DOK7: variants seen among roughly 807,000 people sequenced by gnomAD.
DOK7 encodes docking protein 7.
In DOK7, 32 loss-of-function variants were observed where a neutral mutation model predicts 30.7. The ratio of observed to expected loss-of-function variants is 1.04; its 90% CI spans 0.79 to 1.40. The LOEUF (loss-of-function observed/expected upper bound fraction) is 1.40, where lower values mean the gene tolerates loss of function less well. Among genes scored for constraint, DOK7 ranks in the 40% most tolerant of loss-of-function variants. DOK7 has a pLI of 0.00. For missense variants in DOK7, 1,007 were observed against 699.2 expected (o/e 1.44, Z -4.97); for synonymous variants, 447 against 324.1 (o/e 1.38, Z -4.07).
At chr4:3,500,876 TGGCCCCC>T in exon 8 of DOK7, 1 of 1,477,892 alleles carries the variant, frequency 6.8e-7, no homozygotes, top group Non-Finnish European at 9.0e-7. Context: ...TGCGGCCCCG[TGGCCCCC>T]GGCAGGCCAG....
At chr4:3,497,985 G>A (rs138345326), downstream of DOK7, among the ~76,000 whole-genome samples, 6 of 152,194 alleles carry the variant, frequency 3.9e-5, no homozygotes, top group Admixed American at 2.6e-4. Context: ...CAGGTGTGGG[G>A]ATCAAGGGGA....
At chr4:3,476,904 C>T (rs929461155) in intron 4 of DOK7, among the ~76,000 whole-genome samples, 5 of 152,236 alleles carry the variant, frequency 3.3e-5, no homozygotes, top group East Asian at 1.9e-4. Context: ...TGTGAGCTCC[C>T]GCATAAGCAC....
At chr4:3,497,234 G>A (rs1020186144), downstream of DOK7, among the ~76,000 whole-genome samples, 1 of 152,074 alleles carries the variant, frequency 6.6e-6, no homozygotes. Context: ...TCCTGGGAGG[G>A]GGCATGGCAG....
downstream of DOK7, among the ~76,000 whole-genome samples, chr4:3,496,429 C>T (rs886899189): frequency 4.6e-5 from 7 of 152,260 alleles, no homozygotes; most frequent in Non-Finnish European, 7.3e-5. Flanking sequence ...CCGCTCAGCT[C>T]TGAGGTCGGA....
chr4:3,500,480 C>T, intron 7 of DOK7: 3 of 1,512,722 alleles, frequency 2.0e-6, no homozygotes, highest in Non-Finnish European at 2.6e-6. Context: ...GCCCCCAGCC[C>T]CACCCAGCAG....
chr4:3,501,076 G>A (rs566934579), exon 8 of DOK7: 97 of 535,476 alleles, frequency 1.8e-4, no homozygotes, highest in African/African-American at 1.6e-3. Flanking sequence ...CAGGCTGACT[G>A]AGGCCCTGCT....
chr4:3,469,277 G>T (rs1726606197), intron 2 of DOK7, among the ~76,000 whole-genome samples: 2 of 152,084 alleles, frequency 1.3e-5, no homozygotes, highest in African/African-American at 2.4e-5. Context: ...CTCTCCTGGT[G>T]CCTCTTCCTC....
chr4:3,480,008 C>T (rs1727347434), intron 4 of DOK7, among the ~76,000 whole-genome samples: 1 of 152,228 alleles, frequency 6.6e-6, no homozygotes, highest in Non-Finnish European at 1.5e-5. Context: ...CGGGGATGGA[C>T]TGTGCGTGGT....
chr4:3,479,976 G>T (rs1048364611), intron 4 of DOK7, among the ~76,000 whole-genome samples: 2 of 152,264 alleles, frequency 1.3e-5, no homozygotes, highest in African/African-American at 4.8e-5. Flanking sequence ...TCACACACGG[G>T]CAAGTGACTG....
At chr4:3,488,498 G>A (rs987313937) in intron 5 of DOK7, among the ~76,000 whole-genome samples, 1 of 152,222 alleles carries the variant, frequency 6.6e-6, no homozygotes, top group African/African-American at 2.4e-5. Context: ...GCTGACCATG[G>A]GGTCGGGACG....
Position 3,489,761 on chromosome 4 carries a change from GCCT to G in DOK7, c.742_744del (p.Leu248del). 2 of 1,572,744 alleles carry G rather than the reference GCCT, an allele frequency of 1.3e-6. No individual in the cohort carries two copies. Among genetic ancestry groups the G allele is most frequent in the South Asian group, 2.3e-5 (2 of 85,704 alleles). ...ACCCTACAGCTGGAGAAGCGGCTGA[GCCT>G]CCTCTCACATGCGGGCAGGCCGGGC... On this transcript the variant is annotated inframe_deletion, in exon 6 of 7. Coordinates refer to ENST00000340083, the MANE Select transcript of DOK7 (RefSeq NM_173660.5).
chr4:3,496,761 C>A, downstream of DOK7: 1 of 1,522,366 alleles, frequency 6.6e-7, no homozygotes, highest in Non-Finnish European at 8.8e-7. Flanking sequence ...GGTGGCCCCC[C>A]GGGCACAGGA....
chr4:3,464,985 T>G (rs1038792137), intron 2 of DOK7, among the ~76,000 whole-genome samples: 8 of 152,186 alleles, frequency 5.3e-5, no homozygotes, highest in African/African-American at 1.9e-4. Flanking sequence ...TCTGCAGCCT[T>G]CTGGGGCTGG....
At position 3,492,524 on chromosome 4, in the gene DOK7, C is replaced by A. The variant is rs6844878; in HGVS notation, c.773-235C>A. The stretch of plus-strand genomic sequence containing the variant: ...GGTGCTGAGAGGGAGGGGCGCAGGC[C>A]GTAGGAGAACAGGTGGCAGAAGGAC... On this transcript the variant is annotated intron_variant, in intron 6 of 6. Coordinates refer to ENST00000340083, the MANE Select transcript of DOK7 (RefSeq NM_173660.5). Among the ~76,000 whole-genome samples the A allele has an allele frequency of 0.2, 29,718 of 151,826 alleles. 3,128 individuals carry two copies. Among genetic ancestry groups the A allele is most frequent in the South Asian group, 0.31 (1,499 of 4,804 alleles).
chr4:3,468,975 C>T lies in DOK7; in HGVS notation c.101-4431C>T, dbSNP rs528233730. 1.2e-4 allele frequency among the ~76,000 whole-genome samples: 15 copies of T among 128,858 alleles called. 1 individual carries two copies. In the South Asian group the frequency reaches 3.3e-3, roughly 28 times the overall value. 84.5% of individuals were successfully genotyped at this position (128,858 alleles called of 152,430 possible). A position where few individuals can be genotyped will look rare whatever the true frequency, so the allele number is the denominator to read the frequency against. ...TGAGTGTGGTGCCTGTATGAGTGTA[C>T]GTGTGCCTGTGTATGCATGTGTGAG... is the stretch of plus-strand genomic sequence containing the variant. On this transcript the variant is annotated intron_variant, in intron 2 of 6. Transcript: ENST00000340083.
chr4:3,468,526 G>C (rs1260448596), intron 2 of DOK7, among the ~76,000 whole-genome samples: 1 of 147,936 alleles, frequency 6.8e-6, no homozygotes, highest in South Asian at 2.1e-4. Flanking sequence ...ATGAGTGTGT[G>C]TGACTGTGAG....
chr4:3,500,328 C>T, exon 7 of DOK7: 3 of 1,535,936 alleles, frequency 2.0e-6, no homozygotes, highest in Non-Finnish European at 2.6e-6. Context: ...CGTGAACATC[C>T]CCGTCAGCCC....
At chr4:3,487,811 G>C (rs912903620) in intron 5 of DOK7, among the ~76,000 whole-genome samples, 1 of 152,194 alleles carries the variant, frequency 6.6e-6, no homozygotes, top group East Asian at 1.9e-4. Context: ...TCCCACCTGT[G>C]GGGCATTGGC....
intron 6 of DOK7, among the ~76,000 whole-genome samples, chr4:3,490,679 G>C (rs1358698394): frequency 1.9e-4 from 8 of 41,378 alleles, no homozygotes; most frequent in Non-Finnish European, 2.6e-4. Context: ...TCCCTTCCCC[G>C]CATTCCTTCC....
Sources: gnomAD v4.1 joint callset for allele counts (sites outside exome capture counted in the v4.1 genomes callset) on GRCh38, gnomAD v4.1.1 for gene constraint, MANE v1.5 for transcripts, NCBI Gene and HGNC (gene_info 2026-07-23, HGNC 2026-07-21) for gene names.